Variants in TRPM3 observed in about 807,000 individuals in gnomAD.
TRPM3 encodes long transient receptor potential channel 3.
Under a neutral mutation model 181.2 loss-of-function variants are expected in TRPM3, and 77 were observed. That is an observed-to-expected ratio of 0.42 (90% CI 0.35 to 0.51). The LOEUF is 0.51. TRPM3 is among the 20% of genes least tolerant of loss of function. The pLI is 0.01. For missense variants in TRPM3, 1,759 were observed against 2,196.7 expected, an observed-to-expected ratio of 0.80 and a Z score of 3.98; for synonymous variants, 745 against 796.4, an observed-to-expected ratio of 0.94 and a Z score of 1.09.
At chr9:70,952,588 T>C (rs10780983) in intron 1 of TRPM3, among the ~76,000 whole-genome samples, 35,686 of 152,120 alleles carry the variant, frequency 0.23, 4,641 homozygotes, top group Admixed American at 0.33. Context: ...GAGCTTAAAG[T>C]CCAGTCTTCT....
chr9:71,186,710 T>TA (rs1246032201), intron 1 of TRPM3, among the ~76,000 whole-genome samples: 1 of 152,074 alleles, frequency 6.6e-6, no homozygotes, highest in African/African-American at 2.4e-5. Flanking sequence ...TAGAAAGTAT[T>TA]AGAAACATAT....
At chr9:70,670,329 C>T (rs1205844633) in intron 9 of TRPM3, among the ~76,000 whole-genome samples, 2 of 152,132 alleles carry the variant, frequency 1.3e-5, no homozygotes, top group East Asian at 1.9e-4. Context: ...CTTGTATAAA[C>T]ATGCTCTGTG....
At chr9:71,241,225 C>T (rs1191842765) in intron 1 of TRPM3, among the ~76,000 whole-genome samples, 1 of 152,074 alleles carries the variant, frequency 6.6e-6, no homozygotes, top group East Asian at 1.9e-4. Flanking sequence ...CTGTTTCACA[C>T]CTCTGAATTT....
At chr9:70,636,548 A>C (rs1473055024) in intron 11 of TRPM3, among the ~76,000 whole-genome samples, 3 of 152,212 alleles carry the variant, frequency 2.0e-5, no homozygotes, top group South Asian at 2.1e-4. Flanking sequence ...AACAATGTAC[A>C]ATTTTAATCT....
In TRPM3 at chr9:70,536,317, T is replaced by G. The variant is rs774884488; in HGVS notation, c.4796A>C (p.Glu1599Ala). 1.9e-6 allele frequency: 3 copies of G among 1,614,180 alleles called. No individual in the cohort carries two copies. Among genetic ancestry groups the G allele is most frequent in the South Asian group, 2.2e-5 (2 of 91,078 alleles). ...AGAGCTGGGGTGACTCAGTTCTGCT[T>G]CTCGCTCTGGATGGCAGCAAGTTAA... ...EDLTCCHPER[E>A]AELSHPSSDS... The change falls in exon 26 of 26, where the codon GAA becomes GCA. Residue 1599 changes from glutamate (E) to alanine (A), a missense_variant. Transcript: ENST00000677713.
intron 9 of TRPM3, among the ~76,000 whole-genome samples, chr9:70,653,211 T>C (rs1275580398): frequency 6.6e-6 from 1 of 151,936 alleles, no homozygotes; most frequent in Non-Finnish European, 1.5e-5. Flanking sequence ...CTAATATTCA[T>C]GAATGGAAAA....
rs540428992 is a variant in TRPM3, at chr9:70,838,835, G to C, written c.801+4168C>G. Among the ~76,000 whole-genome samples, 10 of 152,110 alleles carry C rather than the reference G, an allele frequency of 6.6e-5. No homozygotes were observed. In the South Asian group the frequency reaches 2.1e-3, roughly 32 times the overall value. On this transcript the variant is annotated intron_variant, in intron 5 of 25. Transcript: ENST00000677713. ...TATTCCTCACCAAAATCTGTTGTTC[G>C]ATCTATTAATTGAGAAAAAAAGGGC...
intron 7 of TRPM3, among the ~76,000 whole-genome samples, chr9:70,765,618 CA>C (rs2078965136): frequency 6.6e-6 from 1 of 151,318 alleles, no homozygotes. Context: ...AAACAAAAAA[CA>C]AGTATATTTA....
chr9:71,294,848 G>A (rs545845107), intron 1 of TRPM3, among the ~76,000 whole-genome samples: 3 of 152,090 alleles, frequency 2.0e-5, no homozygotes, highest in East Asian at 3.9e-4. Flanking sequence ...GAATCTCAAA[G>A]CAAAAAACAA....
At chr9:71,072,686 A>C (rs575791377) in intron 1 of TRPM3, among the ~76,000 whole-genome samples, 1 of 152,292 alleles carries the variant, frequency 6.6e-6, no homozygotes, top group African/African-American at 2.4e-5. Context: ...GAAGGCCGAA[A>C]GAGTGAGGGT....
At chr9:71,056,356 T>C (rs1240701980) in intron 1 of TRPM3, among the ~76,000 whole-genome samples, 3 of 152,038 alleles carry the variant, frequency 2.0e-5, no homozygotes, top group Non-Finnish European at 4.4e-5. Flanking sequence ...GAAAGATGAT[T>C]TAACTCTGAT....
chr9:71,168,637 T>A (rs1367961310), intron 1 of TRPM3, among the ~76,000 whole-genome samples: 1 of 146,102 alleles, frequency 6.8e-6, no homozygotes, highest in Non-Finnish European at 1.5e-5. Flanking sequence ...TTTTATTATT[T>A]TTTATTTTTT....
intron 1 of TRPM3, among the ~76,000 whole-genome samples, chr9:70,935,669 C>A (rs2096822455): frequency 6.6e-6 from 1 of 152,148 alleles, no homozygotes; most frequent in South Asian, 2.1e-4. Flanking sequence ...GGAACTCTGA[C>A]AAATTAGCTG....
chr9:71,281,129 T>A (rs1283098462), intron 1 of TRPM3, among the ~76,000 whole-genome samples: 1 of 152,162 alleles, frequency 6.6e-6, no homozygotes, highest in Non-Finnish European at 1.5e-5. Context: ...GAAGAGGCAC[T>A]CTCACAGACA....
chr9:71,364,140 C>G (rs1476441924), intron 1 of TRPM3, among the ~76,000 whole-genome samples: 3 of 150,644 alleles, frequency 2.0e-5, no homozygotes, highest in Non-Finnish European at 4.4e-5. Context: ...AAAAGGAAAG[C>G]AAATAAAAAG....
chr9:71,387,035 G>T (rs2092940239), intron 1 of TRPM3, among the ~76,000 whole-genome samples: 1 of 152,126 alleles, frequency 6.6e-6, no homozygotes. Context: ...ACACTTATTA[G>T]ATAGTTATCT....
intron 1 of TRPM3, among the ~76,000 whole-genome samples, chr9:71,359,871 G>A (rs991951385): frequency 2.0e-5 from 3 of 152,010 alleles, no homozygotes; most frequent in South Asian, 2.1e-4. Flanking sequence ...AAGTTATTAC[G>A]TAAATTTAAA....
chr9:71,272,456 G>A (rs11142770), intron 1 of TRPM3, among the ~76,000 whole-genome samples: 81,111 of 151,842 alleles, frequency 0.53, 21,863 homozygotes, highest in African/African-American at 0.62. Flanking sequence ...CCAGGTATTG[G>A]TATATTCATT....
chr9:70,934,996 A>C (rs1231279957), intron 1 of TRPM3, among the ~76,000 whole-genome samples: 2 of 152,188 alleles, frequency 1.3e-5, no homozygotes, highest in Non-Finnish European at 2.9e-5. Context: ...TTAGAGAATA[A>C]AATGTAAATT....
Sources: gnomAD v4.1 joint callset for allele counts (sites outside exome capture counted in the v4.1 genomes callset) on GRCh38, gnomAD v4.1.1 for gene constraint, MANE v1.5 for transcripts, NCBI Gene and HGNC (gene_info 2026-07-23, HGNC 2026-07-21) for gene names.